Variants in PSG11 observed in about 807,000 individuals in gnomAD.
The protein encoded by PSG11 is pregnancy specific beta-1-glycoprotein 11.
Under a neutral mutation model 36.0 loss-of-function variants are expected in PSG11, and 42 were observed. The observed-to-expected ratio is 1.17, with a 90% CI of 0.91 to 1.51. PSG11 has a LOEUF of 1.51. PSG11 is among the 40% of genes most tolerant of loss of function. The pLI is 0.00. For missense variants in PSG11, 558 were observed against 403.5 expected, an observed-to-expected ratio of 1.38 and a Z score of -3.28; for synonymous variants, 206 against 153.5, an observed-to-expected ratio of 1.34 and a Z score of -2.53.
At chr19:43,009,749 G>A (rs1462747272) in intron 5 of PSG11, among the ~76,000 whole-genome samples, 3 of 151,284 alleles carry the variant, frequency 2.0e-5, no homozygotes, top group Admixed American at 6.6e-5. Context: ...ATGAGCAGAG[G>A]CTGGAGATAA....
rs771681960 is a variant in PSG11 at position 43,010,098 on chromosome 19, A to G, written c.965-57T>C. On this transcript the variant is annotated intron_variant, in intron 4 of 5. Coordinates refer to ENST00000320078, the MANE Select transcript of PSG11 (RefSeq NM_002785.3). ...AAGGTGATGTTATTTTACATGGGGG[A>G]GCGTCAGGAACAAGCATGTAACATG... 4 of 1,566,194 alleles carry G rather than the reference A, an allele frequency of 2.6e-6. No individual in the cohort carries two copies. The African/African-American group carries it at 5.5e-5, about 21-fold the overall frequency.
chr19:43,008,749 TAA>T (rs1370017099), intron 5 of PSG11, among the ~76,000 whole-genome samples: 1 of 151,380 alleles, frequency 6.6e-6, no homozygotes, highest in Non-Finnish European at 1.5e-5. Context: ...AGCCCATTCA[TAA>T]ATAGGGCCAA....
rs369383927 is a variant in PSG11 at position 43,018,276 on chromosome 19, A to G, written c.709+494T>C. 38 of 193,778 alleles carry G rather than the reference A, an allele frequency of 2.0e-4. 2 individuals carry two copies. The highest frequency in any genetic ancestry group is 8.7e-4 in the African/African-American group (37 of 42,434). 12.0% of individuals were successfully genotyped at this position (193,778 alleles called of 1,614,324 possible). A position where few individuals can be genotyped will look rare whatever the true frequency, so the allele number is the denominator to read the frequency against. ...ACCAATCAGCCAAGAATGCTCTGCC[A>G]GTGGGTGAGTGTCTATGAGACAGGA... On this transcript the variant is annotated intron_variant, in intron 3 of 5. Coordinates refer to ENST00000320078, the MANE Select transcript of PSG11 (RefSeq NM_002785.3).
intron 2 of PSG11, among the ~76,000 whole-genome samples, chr19:43,023,745 T>C (rs1426628699): frequency 6.6e-6 from 1 of 151,268 alleles, no homozygotes; most frequent in East Asian, 1.9e-4. Flanking sequence ...TGTGTGACTC[T>C]GATTCAGTGA....
At position 43,025,194 on chromosome 19, in the gene PSG11, T is replaced by C. The variant is rs1265672067; in HGVS notation, c.65-138A>G. The C allele has an allele frequency of 3.2e-5, 43 of 1,346,806 alleles. 1 individual carries two copies. Among genetic ancestry groups the C allele is most frequent in the Non-Finnish European group, 2.0e-6 (2 of 987,766 alleles). The allele number at this position is 1,346,806 out of a possible 1,614,324, so 83.4% of individuals were successfully genotyped here. A position where few individuals can be genotyped will look rare whatever the true frequency, so the allele number is the denominator to read the frequency against. ...ACACACACACACACACATACAAACA[T>C]ACACACACAGAAAAGGGGCATGTGT... On this transcript the variant is annotated intron_variant, in intron 1 of 5. Coordinates refer to ENST00000320078, the MANE Select transcript of PSG11 (RefSeq NM_002785.3).
intron 4 of PSG11, 176 bp from the exon 5 acceptor site, chr19:43,010,217 A>G (rs1367057114): frequency 2.6e-5 from 38 of 1,451,632 alleles, no homozygotes; most frequent in Admixed American, 1.3e-4. Flanking sequence ...TTTCCCTCTC[A>G]CCATGTTTCT....
At chr19:43,015,628 C>G (rs1351513604) in intron 3 of PSG11, 2 of 1,478,234 alleles carry the variant, frequency 1.4e-6, no homozygotes, top group African/African-American at 2.9e-5. Flanking sequence ...CCAAGTTTTC[C>G]CAGGGCAGGG....
chr19:43,008,365 C>T lies in PSG11; in HGVS notation c.*41-323G>A, dbSNP rs962747354. On this transcript the variant is annotated intron_variant, in intron 5 of 5. Transcript: ENST00000320078. ...TCAGTTCACTGCAAGCTCTGCCTCC[C>T]GGGTTCATGCCATTCTTCTGCCTCA... 2.6e-5 allele frequency among the ~76,000 whole-genome samples: 4 copies of T among 151,118 alleles called. 1 individual carries two copies. The highest frequency in any genetic ancestry group is 4.9e-5 in the African/African-American group (2 of 40,914).
Position 43,015,797 on chromosome 19 carries a change from G to A in PSG11, c.710-427C>T, listed in dbSNP as rs557874858. 1.1e-4 allele frequency: 173 copies of A among 1,610,388 alleles called. 3 individuals are homozygous for A. Among genetic ancestry groups the A allele is most frequent in the Middle Eastern group, 2.0e-4 (1 of 4,946 alleles). ...ACATTCAGGGTGACTGAGTCACTGC[G>A]GATGCCACCATATCGGTCCCGTATT... On this transcript the variant is annotated intron_variant, in intron 3 of 5. Coordinates refer to ENST00000320078, the MANE Select transcript of PSG11 (RefSeq NM_002785.3).
intron 2 of PSG11, among the ~76,000 whole-genome samples, chr19:43,020,607 C>T (rs543115335): frequency 6.6e-6 from 1 of 151,374 alleles, no homozygotes; most frequent in Non-Finnish European, 1.5e-5. Context: ...TTGAGACCAA[C>T]ATAAGGTTTA....
chr19:43,024,983 G>A lies in PSG11; in HGVS notation c.138C>T (p.Ser46=), dbSNP rs112359091. The change falls in exon 2 of 6, where the codon TCC becomes TCT. Residue 46 remains serine (S), a synonymous_variant. Transcript: ENST00000320078. ...CAAGTAGAAGAACATCCTTCCCCTCGGACACTTTGGGTGGCTGGGCTTCAA... is the reference window on the plus strand; with the variant it reads ...CAAGTAGAAGAACATCCTTCCCCTCAGACACTTTGGGTGGCTGGGCTTCAA... The part of the protein sequence containing the change: ...VMIEAQPPKV[S]EGKDVLLLVH... The A allele has an allele frequency of 9.0e-3, 14,500 of 1,611,148 alleles. 1,497 individuals are homozygous for A. The African/African-American group carries it at 0.16, about 18-fold the overall frequency.
At chr19:43,019,180 T>C in intron 2 of PSG11, 132 bp from the exon 3 acceptor site, 1 of 1,503,386 alleles carries the variant, frequency 6.7e-7, no homozygotes, top group Non-Finnish European at 8.9e-7. Context: ...CAGGTGTGTG[T>C]GTTACAACAC....
chr19:43,015,252 A>G lies in PSG11; in HGVS notation c.828T>C (p.Asn276=). ...NPPAQYSWTI[N]GKFQLSGQKL... ...TTTGTCCTGATAGCTGAAACTTCCC[A>G]TTAATTGTCCAAGAATACTGTGCTG... is the stretch of plus-strand genomic sequence containing the variant. The change falls in exon 4 of 6, where the codon AAT becomes AAC. Residue 276 remains asparagine, a synonymous_variant. Transcript: ENST00000320078. 6.2e-7 allele frequency: 1 copy of G among 1,611,564 alleles called. No individual in the cohort carries two copies. Among genetic ancestry groups the G allele is most frequent in the Non-Finnish European group, 8.5e-7 (1 of 1,178,540 alleles).
At chr19:43,018,676 T>C (rs1967026102) in intron 3 of PSG11, 94 bp downstream of exon 3, 2 of 1,607,078 alleles carry the variant, frequency 1.2e-6, no homozygotes, top group African/African-American at 2.7e-5. Context: ...TAAAGGTCTC[T>C]GTACTTGGAC....
rs1354875566 is a variant in PSG11, at chr19:43,018,788, C to T, written c.691G>A (p.Val231Ile). 1.2e-6 allele frequency: 2 copies of T among 1,612,144 alleles called. No individual in the cohort carries two copies. Among genetic ancestry groups the T allele is most frequent in the Admixed American group, 1.7e-5 (1 of 59,878 alleles). ...TACTCACGGAGGAGATTCAGGGTGA[C>T]TGGGTCACTGCGGCTGGCACTCCCT... is the stretch of plus-strand genomic sequence containing the variant. ...NSGSASRSDP[V>I]TLNLLHGPDL... Residue 231 changes from valine (V) to isoleucine (I), a missense_variant, in exon 3 of 6, where the codon GTC becomes ATC. Transcript: ENST00000320078.
In PSG11 at chr19:43,013,212, C is replaced by T. The variant is rs770493900; in HGVS notation, c.964+1904G>A. Among the ~76,000 whole-genome samples the T allele has an allele frequency of 7.3e-5, 11 of 151,456 alleles. 1 individual carries two copies. In the South Asian group the frequency reaches 1.7e-3, roughly 23 times the overall value. On this transcript the variant is annotated intron_variant, in intron 4 of 5. Transcript: ENST00000320078. ...CATGATACTGGATTTCACAATAATT[C>T]CTTGGTTGTAACAACAAAAGCATAG... is the stretch of plus-strand genomic sequence containing the variant.
At chr19:43,010,273 T>C in intron 4 of PSG11, 1 of 1,463,542 alleles carries the variant, frequency 6.8e-7, no homozygotes, top group Non-Finnish European at 9.0e-7. Flanking sequence ...CACTCAGGTA[T>C]TTTGGAAGGC....
intron 3 of PSG11, 189 bp downstream of exon 3, chr19:43,018,581 C>T: frequency 7.3e-7 from 1 of 1,368,760 alleles, no homozygotes; most frequent in Non-Finnish European, 1.0e-6. Flanking sequence ...CAGGAGCAGC[C>T]TCTTTTCTCC....
rs746968230 is a variant in PSG11, at chr19:43,024,680, G to A, written c.430+11C>T. 2 of 1,609,848 alleles carry A rather than the reference G, an allele frequency of 1.2e-6. No homozygotes were observed. The highest frequency in any genetic ancestry group is 1.7e-6 in the Non-Finnish European group (2 of 1,178,056). ...TCCCCCAACACCCAGGGATCATGTG[G>A]AATCACTTACGGTATAAGGTGAAGG... On this transcript the variant is annotated intron_variant, in intron 2 of 5. Transcript: ENST00000320078.
Sources: gnomAD v4.1 joint callset for allele counts (sites outside exome capture counted in the v4.1 genomes callset) on GRCh38, gnomAD v4.1.1 for gene constraint, MANE v1.5 for transcripts, NCBI Gene and HGNC (gene_info 2026-07-23, HGNC 2026-07-21) for gene names.